The following TNN variants were observed in gnomAD, a reference collection of about 807,000 sequenced individuals.
The protein encoded by TNN is tenascin N, also known as tenascin-N.
In TNN, 122 loss-of-function variants were observed where a neutral mutation model predicts 134.4. The ratio of observed to expected loss-of-function variants is 0.91; its 90% CI spans 0.78 to 1.06. TNN has a LOEUF of 1.06. TNN is among the 50% of genes least tolerant of loss of function. The probability of loss-of-function intolerance (pLI) is 0.00; values close to 1 mark genes in which losing one functional copy is unlikely to be tolerated. For missense variants in TNN, 1,739 were observed against 1,699.4 expected, an observed-to-expected ratio of 1.02 and a Z score of -0.41; for synonymous variants, 710 against 670.3, an observed-to-expected ratio of 1.06 and a Z score of -0.91.
intron 9 of TNN, among the ~76,000 whole-genome samples, chr1:175,114,471 G>C (rs754325040): frequency 1.2e-4 from 18 of 152,176 alleles, no homozygotes; most frequent in Non-Finnish European, 2.5e-4. Context: ...TCCCTCTTGG[G>C]GTCAGGTCTG....
At chr1:175,122,587 A>G (rs146850495) in intron 11 of TNN, among the ~76,000 whole-genome samples, 7 of 152,372 alleles carry the variant, frequency 4.6e-5, no homozygotes, top group Admixed American at 2.6e-4. Flanking sequence ...ACCCAGAAGC[A>G]GTGTAAAGTT....
intron 1 of TNN, among the ~76,000 whole-genome samples, chr1:175,068,966 C>T (rs1485930833): frequency 6.6e-6 from 1 of 152,072 alleles, no homozygotes; most frequent in Non-Finnish European, 1.5e-5. Context: ...GGAGGTCTTA[C>T]TTTTTACTTA....
intron 2 of TNN, 64 bp from the exon 3 acceptor site, chr1:175,079,269 A>G: frequency 1.3e-6 from 2 of 1,504,540 alleles, no homozygotes; most frequent in Non-Finnish European, 1.8e-6. Context: ...GGCTGATCTC[A>G]GAGGAAGGAG....
chr1:175,128,854 C>T (rs575803370), intron 15 of TNN, 108 bp downstream of exon 15: 1 of 1,271,520 alleles, frequency 7.9e-7, no homozygotes, highest in Non-Finnish European at 1.0e-6. Context: ...TTCTTCTCCA[C>T]CCATGGAAGA....
In TNN at chr1:175,085,440, G is replaced by A. The variant is rs1391212055; in HGVS notation, c.1270G>A (p.Val424Met). Residue 424 changes from valine (V) to methionine (M), a missense_variant, in exon 6 of 19, where the codon GTG becomes ATG. Coordinates refer to ENST00000239462, the MANE Select transcript of TNN (RefSeq NM_022093.2). Reference protein sequence around the residue: ...HPGTEYKITVVPMRGELEGKP... With the variant: ...HPGTEYKITVMPMRGELEGKP... ...GGGGACTGAGTATAAGATCACGGTGGTGCCCATGAGAGGAGAGCTGGAGGG... is the reference window on the plus strand; with the variant it reads ...GGGGACTGAGTATAAGATCACGGTGATGCCCATGAGAGGAGAGCTGGAGGG... The A allele has an allele frequency of 6.2e-7, 1 of 1,613,228 alleles. No homozygotes were observed. Among genetic ancestry groups the A allele is most frequent in the Admixed American group, 1.7e-5 (1 of 59,962 alleles).
chr1:175,084,075 C>A, intron 5 of TNN, 140 bp downstream of exon 5: 1 of 870,754 alleles, frequency 1.1e-6, no homozygotes, highest in Non-Finnish European at 1.7e-6. Context: ...TGAATCTGAC[C>A]CTTGAATCTG....
intron 6 of TNN, among the ~76,000 whole-genome samples, chr1:175,089,922 A>G (rs1396341458): frequency 6.6e-6 from 1 of 152,186 alleles, no homozygotes; most frequent in African/African-American, 2.4e-5. Flanking sequence ...AAACTCCTTC[A>G]TGTCCTAGGC....
At position 175,082,703 on chromosome 1, in the gene TNN, C is replaced by A. The variant is rs1674224592; in HGVS notation, c.1049-1047C>A. On this transcript the variant is annotated intron_variant, in intron 4 of 18. Coordinates refer to ENST00000239462, the MANE Select transcript of TNN (RefSeq NM_022093.2). ...GTTCACACCTGGCCTGACACTAATTCTCGATCCTTCATCATCCGTCAGTGG... is the reference window on the plus strand; with the variant it reads ...GTTCACACCTGGCCTGACACTAATTATCGATCCTTCATCATCCGTCAGTGG... Among the ~76,000 whole-genome samples the A allele has an allele frequency of 2.0e-5, 3 of 152,186 alleles. 1 individual carries two copies. In the South Asian group the frequency reaches 6.2e-4, roughly 32 times the overall value.
In TNN at chr1:175,116,982, GAA is replaced by G. The variant is rs1257689184; in HGVS notation, c.2164_2165del (p.Asn722TyrfsTer14). ...ACCTGGTGACCGACCGGGTGACAGA[GAA>G]TATGGCCACTGTCTCCTGGGACCCG... is the stretch of plus-strand genomic sequence containing the variant. The part of the protein sequence containing the change: ...QNLVTDRVTE[N>X]MATVSWDPVR... On this transcript the variant is annotated frameshift_variant, in exon 10 of 19. Coordinates refer to ENST00000239462, the MANE Select transcript of TNN (RefSeq NM_022093.2). LOFTEE classifies it high-confidence loss of function. The G allele has an allele frequency of 6.2e-7, 1 of 1,614,214 alleles. No homozygotes were observed. The highest frequency in any genetic ancestry group is 1.7e-5 in the Admixed American group (1 of 60,028).
intron 16 of TNN, 139 bp downstream of exon 16, chr1:175,136,080 G>C: frequency 1.6e-6 from 1 of 633,386 alleles, no homozygotes; most frequent in Non-Finnish European, 2.9e-6. Flanking sequence ...TGCCGAGCAG[G>C]GTGTTGGTGG....
In TNN at chr1:175,085,434, A is replaced by G; in HGVS notation, c.1264A>G (p.Thr422Ala). 1.2e-6 allele frequency: 2 copies of G among 1,612,780 alleles called. No homozygotes were observed. The highest frequency in any genetic ancestry group is 8.5e-7 in the Non-Finnish European group (1 of 1,179,260). ...GCACCCGGGGACTGAGTATAAGATC[A>G]CGGTGGTGCCCATGAGAGGAGAGCT... The part of the protein sequence containing the change: ...GLHPGTEYKI[T>A]VVPMRGELEG... Residue 422 changes from threonine to alanine, a missense_variant, in exon 6 of 19, where the codon ACG (threonine) becomes GCG (alanine). Coordinates refer to ENST00000239462, the MANE Select transcript of TNN (RefSeq NM_022093.2).
At chr1:175,088,201 G>T (rs1674363484) in intron 6 of TNN, among the ~76,000 whole-genome samples, 2 of 152,116 alleles carry the variant, frequency 1.3e-5, no homozygotes, top group South Asian at 4.1e-4. Context: ...TTAGGGGGGT[G>T]GGTAGGTGGG....
At position 175,130,641 on chromosome 1, in the gene TNN, A is replaced by G. The variant is rs146308694; in HGVS notation, c.3330+1895A>G. Among the ~76,000 whole-genome samples, 516 of 152,294 alleles carry G rather than the reference A, an allele frequency of 3.4e-3. 5 individuals carry two copies. The highest frequency in any genetic ancestry group is 0.012 in the African/African-American group (493 of 41,552). ...GAGTTATCTGGGGCAACATTTAGAAAGAGATCTGTCAGTCTGTCTGCCCTG... is the reference window on the plus strand; with the variant it reads ...GAGTTATCTGGGGCAACATTTAGAAGGAGATCTGTCAGTCTGTCTGCCCTG... On this transcript the variant is annotated intron_variant, in intron 15 of 18. Coordinates refer to ENST00000239462, the MANE Select transcript of TNN (RefSeq NM_022093.2).
At chr1:175,142,200 C>A (rs570512534) in intron 17 of TNN, among the ~76,000 whole-genome samples, 32 of 152,326 alleles carry the variant, frequency 2.1e-4, no homozygotes, top group African/African-American at 7.7e-4. Context: ...TGGAGACAGA[C>A]CTGTCTGCTG....
rs779995381 is a variant in TNN at position 175,127,023 on chromosome 1, C to G, written c.2983C>G (p.Pro995Ala). The change falls in exon 13 of 19, where the codon CCC (proline) becomes GCC (alanine). Residue 995 changes from proline to alanine, a missense_variant. Pro to Ala is a conservative substitution (Grantham distance 27). Coordinates refer to ENST00000239462, the MANE Select transcript of TNN (RefSeq NM_022093.2). The stretch of plus-strand genomic sequence containing the variant: ...GTCTGGTGGCATATTGACCTGGACG[C>G]CCCCCTCTGCTCAGATCCACGGCTA... ...TQSGGILTWTPPSAQIHGYIL... is the reference protein window; with the variant it reads ...TQSGGILTWTAPSAQIHGYIL... 3.1e-6 allele frequency: 5 copies of G among 1,614,084 alleles called. No homozygotes were observed. The East Asian group carries it at 6.7e-5, about 22-fold the overall frequency.
intron 11 of TNN, among the ~76,000 whole-genome samples, chr1:175,119,111 ATAGAG>A (rs1244820862): frequency 6.6e-6 from 1 of 152,270 alleles, no homozygotes; most frequent in Non-Finnish European, 1.5e-5. Flanking sequence ...GGGTGAGCCC[ATAGAG>A]TAAAGTGAAA....
In TNN at chr1:175,116,971, C is replaced by T. The variant is rs565724765; in HGVS notation, c.2152C>T (p.Arg718Trp). 151 of 1,614,192 alleles carry T rather than the reference C, an allele frequency of 9.4e-5. No homozygotes were observed. In the South Asian group the frequency reaches 1.4e-3, roughly 15 times the overall value. The change falls in exon 10 of 19, where the codon CGG (arginine) becomes TGG (tryptophan). Residue 718 changes from arginine (R) to tryptophan (W), a missense_variant. Physicochemically the swap from Arg to Trp is moderately radical, Grantham distance 101 (BLOSUM62 -3). Coordinates refer to ENST00000239462, the MANE Select transcript of TNN (RefSeq NM_022093.2). ...IDSPQNLVTD[R>W]VTENMATVSW... ...CAGCCCCCAAAACCTGGTGACCGAC[C>T]GGGTGACAGAGAATATGGCCACTGT...
chr1:175,105,870 TG>T (rs1232382196), intron 9 of TNN, among the ~76,000 whole-genome samples: 1 of 145,776 alleles, frequency 6.9e-6, no homozygotes, highest in African/African-American at 2.5e-5. Flanking sequence ...GCAATGGTCC[TG>T]GGACCCTGCT....
chr1:175,138,426 G>A (rs1558375470), intron 17 of TNN, among the ~76,000 whole-genome samples: 1 of 152,126 alleles, frequency 6.6e-6, no homozygotes, highest in Non-Finnish European at 1.5e-5. Context: ...AAGTTCCATA[G>A]GGGTGAATGA....
Sources: gnomAD v4.1 joint callset for allele counts (sites outside exome capture counted in the v4.1 genomes callset) on GRCh38, gnomAD v4.1.1 for gene constraint, MANE v1.5 for transcripts, NCBI Gene and HGNC (gene_info 2026-07-23, HGNC 2026-07-21) for gene names.